ROBO1: variants seen among roughly 807,000 people sequenced by gnomAD.
ROBO1 encodes roundabout guidance receptor 1, also known as roundabout homolog 1.
Under a neutral mutation model 195.9 loss-of-function variants are expected in ROBO1, and 149 were observed. The ratio of observed to expected loss-of-function variants is 0.76; its 90% CI spans 0.67 to 0.87. The LOEUF (loss-of-function observed/expected upper bound fraction) is 0.87, where lower values mean the gene tolerates loss of function less well. Among genes scored for constraint, ROBO1 ranks in the 40% least tolerant of loss-of-function variants. The probability of loss-of-function intolerance (pLI) is 0.00; values close to 1 mark genes in which losing one functional copy is unlikely to be tolerated. For missense variants in ROBO1, 1,933 were observed against 2,068.3 expected (o/e 0.93, Z 1.27); for synonymous variants, 816 against 733.2 (o/e 1.11, Z -1.82).
chr3:78,929,100 T>C (rs1462442722), intron 4 of ROBO1, among the ~76,000 whole-genome samples: 5 of 152,168 alleles, frequency 3.3e-5, no homozygotes, highest in Non-Finnish European at 1.5e-5. Flanking sequence ...CTAAATAACT[T>C]GATCATAAAC....
chr3:78,750,510 A>T (rs931136239), intron 4 of ROBO1, among the ~76,000 whole-genome samples: 64 of 150,678 alleles, frequency 4.2e-4, no homozygotes, highest in Non-Finnish European at 7.7e-4. Context: ...AAATAAAATA[A>T]AAAAGTTCAC....
intron 3 of ROBO1, among the ~76,000 whole-genome samples, chr3:79,090,657 CCTAACCTCTCTATACCT>C (rs1302535137): frequency 6.6e-6 from 1 of 152,054 alleles, no homozygotes; most frequent in African/African-American, 2.4e-5. Flanking sequence ...TGAGTTTGGG[CCTAACCTCTCTATACCT>C]CTATTTTCTT....
chr3:79,329,620 T>C (rs1363947201), intron 2 of ROBO1, among the ~76,000 whole-genome samples: 1 of 152,192 alleles, frequency 6.6e-6, no homozygotes, highest in Non-Finnish European at 1.5e-5. Flanking sequence ...TAAAGCACTA[T>C]CAAAGTGTGG....
chr3:78,775,418 T>G (rs982348081), intron 4 of ROBO1, among the ~76,000 whole-genome samples: 7 of 152,192 alleles, frequency 4.6e-5, no homozygotes, highest in Admixed American at 1.3e-4. Context: ...TTCTAGTGTA[T>G]TTAATTTAAA....
chr3:79,749,236 A>G (rs1704016218), intron 1 of ROBO1, among the ~76,000 whole-genome samples: 1 of 152,104 alleles, frequency 6.6e-6, no homozygotes, highest in Admixed American at 6.6e-5. Flanking sequence ...GGAACTTTGA[A>G]CTTGAGAGAG....
chr3:78,649,718 T>G (rs975255434), intron 19 of ROBO1, among the ~76,000 whole-genome samples: 1 of 152,140 alleles, frequency 6.6e-6, no homozygotes, highest in Non-Finnish European at 1.5e-5. Context: ...GAAAGCAGAA[T>G]CAAATGCTCA....
intron 2 of ROBO1, among the ~76,000 whole-genome samples, chr3:79,250,962 C>T (rs2082717353): frequency 6.6e-6 from 1 of 151,918 alleles, no homozygotes; most frequent in East Asian, 1.9e-4. Flanking sequence ...GGCTTAGGCA[C>T]AAGAATCACT....
At chr3:79,119,731 G>C (rs2108557313) in intron 3 of ROBO1, among the ~76,000 whole-genome samples, 1 of 151,830 alleles carries the variant, frequency 6.6e-6, no homozygotes, top group East Asian at 1.9e-4. Context: ...AGCTAATGAT[G>C]GGGCCACCAG....
chr3:79,653,534 A>T (rs1946074387), intron 1 of ROBO1, among the ~76,000 whole-genome samples: 2 of 152,034 alleles, frequency 1.3e-5, no homozygotes, highest in South Asian at 4.1e-4. Flanking sequence ...TCAAAGAACC[A>T]TATGAAAGAA....
At chr3:78,861,308 C>T (rs2034821651) in intron 4 of ROBO1, among the ~76,000 whole-genome samples, 2 of 152,134 alleles carry the variant, frequency 1.3e-5, no homozygotes, top group African/African-American at 2.4e-5. Context: ...ACATCCTGAA[C>T]GTGTTTTATA....
intron 4 of ROBO1, among the ~76,000 whole-genome samples, chr3:78,864,715 CAT>C (rs749187005): frequency 2.0e-4 from 30 of 151,430 alleles, no homozygotes; most frequent in Admixed American, 6.6e-4. Context: ...CATATATACA[CAT>C]GTGTGTATAT....
chr3:79,238,927 T>G (rs1475095082), intron 2 of ROBO1, among the ~76,000 whole-genome samples: 2 of 152,228 alleles, frequency 1.3e-5, no homozygotes, highest in Non-Finnish European at 2.9e-5. Flanking sequence ...TCTATCATAT[T>G]CCATATTGCA....
intron 28 of ROBO1, among the ~76,000 whole-genome samples, chr3:78,613,267 A>G (rs1236584622): frequency 6.6e-6 from 1 of 152,188 alleles, no homozygotes; most frequent in Non-Finnish European, 1.5e-5. Context: ...ATGTGTTTAC[A>G]TCCAGGCTTG....
intron 2 of ROBO1, among the ~76,000 whole-genome samples, chr3:79,555,119 G>A (rs776588842): frequency 5.3e-5 from 8 of 152,158 alleles, no homozygotes; most frequent in Non-Finnish European, 1.2e-4. Flanking sequence ...TTCATGAGGA[G>A]TTTGAAGACA....
intron 2 of ROBO1, among the ~76,000 whole-genome samples, chr3:79,522,150 T>C (rs1358571087): frequency 6.6e-6 from 1 of 152,182 alleles, no homozygotes; most frequent in Non-Finnish European, 1.5e-5. Flanking sequence ...GATAATTGTT[T>C]TGGTATAATA....
At chr3:79,315,408 A>G (rs926708757) in intron 2 of ROBO1, among the ~76,000 whole-genome samples, 2 of 152,250 alleles carry the variant, frequency 1.3e-5, no homozygotes, top group African/African-American at 4.8e-5. Context: ...ATCAGGCAAG[A>G]GATTATAGTG....
chr3:79,642,106 T>G (rs1443170473), intron 1 of ROBO1, among the ~76,000 whole-genome samples: 1 of 152,058 alleles, frequency 6.6e-6, no homozygotes, highest in Non-Finnish European at 1.5e-5. Flanking sequence ...AACAGAAATC[T>G]TACAAGTGAG....
chr3:78,891,054 T>G (rs899373521), intron 4 of ROBO1, among the ~76,000 whole-genome samples: 2 of 152,160 alleles, frequency 1.3e-5, no homozygotes, highest in Admixed American at 6.5e-5. Context: ...AAATAAAGTT[T>G]TATTACACAA....
chr3:79,527,673 T>C (rs963044353), intron 2 of ROBO1: 36 of 151,672 alleles, frequency 2.4e-4, no homozygotes, highest in African/African-American at 7.5e-4. Context: ...TGCAGATGAA[T>C]TGAGTGGTAT....
Sources: allele counts gnomAD v4.1 joint callset (sites outside exome capture counted in the v4.1 genomes callset), GRCh38; gene constraint gnomAD v4.1.1; transcripts MANE v1.5; gene names NCBI Gene and HGNC (gene_info 2026-07-23, HGNC 2026-07-21).